Variants in PCDHGB1 observed in about 807,000 individuals in gnomAD.
The protein encoded by PCDHGB1 is protocadherin gamma-B1.
A neutral mutation model predicts 56.6 loss-of-function variants in PCDHGB1; 34 were observed. That is an observed-to-expected ratio of 0.60 (90% confidence interval 0.46 to 0.80). PCDHGB1 has a LOEUF of 0.80. Among genes scored for constraint, PCDHGB1 ranks in the 30% least tolerant of loss-of-function variants. PCDHGB1 has a pLI of 0.00. For missense variants in PCDHGB1, 1,278 were observed against 1,204.6 expected, an observed-to-expected ratio of 1.06 and a Z score of -0.90; for synonymous variants, 561 against 505.9, an observed-to-expected ratio of 1.11 and a Z score of -1.46.
At chr5:141,384,442 T>G in intron 1 of PCDHGB1, 15 of 1,614,046 alleles carry the variant, frequency 9.3e-6, no homozygotes, top group Non-Finnish European at 1.3e-5. Context: ...TGGAGTCCTG[T>G]ACGCGCTGCA....
intron 1 of PCDHGB1, chr5:141,376,901 A>G: frequency 5.2e-6 from 1 of 191,460 alleles, no homozygotes. Context: ...GTTAGCCAGG[A>G]TGGTCTCGAT....
intron 1 of PCDHGB1, chr5:141,370,596 G>C: frequency 6.2e-7 from 1 of 1,613,936 alleles, no homozygotes; most frequent in Non-Finnish European, 8.5e-7. Flanking sequence ...GAACCTGCGG[G>C]TTATTGCAGA....
At chr5:141,383,978 C>T in intron 1 of PCDHGB1, 1 of 1,613,752 alleles carries the variant, frequency 6.2e-7, no homozygotes, top group Non-Finnish European at 8.5e-7. Context: ...CCTGAAGACA[C>T]ACCTCTTGGG....
chr5:141,373,720 C>T (rs1769798008), intron 1 of PCDHGB1, among the ~76,000 whole-genome samples: 1 of 152,328 alleles, frequency 6.6e-6, no homozygotes, highest in East Asian at 1.9e-4. Flanking sequence ...ATCTCTTACA[C>T]TCTTCTAAAT....
chr5:141,399,081 G>A (rs1336220348), intron 1 of PCDHGB1: 2 of 1,613,758 alleles, frequency 1.2e-6, no homozygotes, highest in African/African-American at 1.3e-5. Context: ...TAGAAGGGAG[G>A]GATGGTGGTG....
intron 1 of PCDHGB1, chr5:141,389,583 C>T: frequency 1.2e-6 from 2 of 1,613,188 alleles, no homozygotes; most frequent in Non-Finnish European, 1.7e-6. Flanking sequence ...CGCGCTGGGT[C>T]CCGACGGCTC....
intron 1 of PCDHGB1, chr5:141,365,543 T>G: frequency 6.2e-7 from 1 of 1,613,830 alleles, no homozygotes; most frequent in Non-Finnish European, 8.5e-7. Context: ...CTATCACCTA[T>G]TAACAACTAG....
chr5:141,392,305 GT>G (rs148037308), intron 1 of PCDHGB1: 5,240 of 152,054 alleles, frequency 0.034, 107 homozygotes, highest in Middle Eastern at 0.088. Flanking sequence ...AAAGTATCAT[GT>G]TTTTTTTAAG....
Position 141,350,354 on chromosome 5 carries a change from C to T in PCDHGB1, c.94C>T (p.Arg32Ter). Residue 32 changes from arginine to a stop codon, truncating the protein, a stop_gained, in exon 1 of 4, where the codon CGA becomes TGA. Coordinates refer to ENST00000523390, the MANE Select transcript of PCDHGB1 (RefSeq NM_018922.3). LOFTEE classifies it high-confidence loss of function. Reference sequence around the variant, plus strand: ...CTGCGGGGCCATCTCCCAGCAGATCCGATACACGATTCCAGAGGAGCTAGC... The same window carrying T: ...CTGCGGGGCCATCTCCCAGCAGATCTGATACACGATTCCAGAGGAGCTAGC... ...LFCGAISQQIRYTIPEELANG... is the reference protein window; with the variant it reads ...LFCGAISQQI 1.3e-6 allele frequency: 2 copies of T among 1,564,932 alleles called. No individual in the cohort carries two copies. Among genetic ancestry groups the T allele is most frequent in the South Asian group, 1.2e-5 (1 of 81,846 alleles).
At chr5:141,378,926 T>C (rs1342547905) in intron 1 of PCDHGB1, 1 of 152,216 alleles carries the variant, frequency 6.6e-6, no homozygotes, top group Non-Finnish European at 1.5e-5. Flanking sequence ...AAAAGTAAGT[T>C]GATGGCCCTG....
In PCDHGB1 at chr5:141,490,598, G is replaced by A. The variant is rs141484080; in HGVS notation, c.2410-4209G>A. On this transcript the variant is annotated intron_variant, in intron 1 of 3. Transcript: ENST00000523390. This position sits in a 1 kb window ranked among gnomAD's most constrained non-coding sequence, Gnocchi z 5.4. ...TCAGATGTCAATGACAATGCACCCC[G>A]CTTCAACCAGCAGCTTTACACTGCT... 309 of 1,614,062 alleles carry A rather than the reference G, an allele frequency of 1.9e-4. 2 individuals carry two copies. Among genetic ancestry groups the A allele is most frequent in the Admixed American group, 5.0e-4 (30 of 60,018 alleles).
At chr5:141,358,102 A>G (rs1359136399) in intron 1 of PCDHGB1, among the ~76,000 whole-genome samples, 1 of 152,204 alleles carries the variant, frequency 6.6e-6, no homozygotes, top group Admixed American at 6.5e-5. Flanking sequence ...AGGCATGAGA[A>G]TTGCTTGAAC....
rs1326093295 is a variant in PCDHGB1 at position 141,364,677 on chromosome 5, T to TTTC, written c.2409+12010_2409+12011insCTT. The stretch of plus-strand genomic sequence containing the variant: ...ATCTTGGTTGAGAACAAAATGAAAA[T>TTTC]TTATGGAGTAGAAGTAGAAATAATC... On this transcript the variant is annotated intron_variant, in intron 1 of 3. Coordinates refer to ENST00000523390, the MANE Select transcript of PCDHGB1 (RefSeq NM_018922.3). The TTTC allele has an allele frequency of 3.7e-6, 6 of 1,613,806 alleles. No homozygotes were observed. In the African/African-American group the frequency reaches 6.7e-5, roughly 18 times the overall value.
At position 141,486,634 on chromosome 5, in the gene PCDHGB1, T is replaced by C; in HGVS notation, c.2410-8173T>C. 1 of 1,613,762 alleles carries C rather than the reference T, an allele frequency of 6.2e-7. No individual in the cohort carries two copies. The highest frequency in any genetic ancestry group is 8.5e-7 in the Non-Finnish European group (1 of 1,180,044). ...CCTCTGACCCAGACTCTGGCTTGAA[T>C]GCGCTTATCTCCTACTCACTCCTGG... On this transcript the variant is annotated intron_variant, in intron 1 of 3. Coordinates refer to ENST00000523390, the MANE Select transcript of PCDHGB1 (RefSeq NM_018922.3). The surrounding 1 kb of genome is among the most constrained non-coding windows in gnomAD (Gnocchi z 5.0).
chr5:141,438,526 G>A (rs188552043), intron 1 of PCDHGB1, among the ~76,000 whole-genome samples: 11 of 143,330 alleles, frequency 7.7e-5, no homozygotes, highest in Non-Finnish European at 1.5e-4. Flanking sequence ...ATTTTACATG[G>A]ACTTTTCCTC....
At chr5:141,400,301 C>T in intron 1 of PCDHGB1, 3 of 1,614,084 alleles carry the variant, frequency 1.9e-6, no homozygotes, top group Non-Finnish European at 2.5e-6. Flanking sequence ...TGCTTCCAAC[C>T]TGGTCTCTGT....
chr5:141,358,814 G>A (rs1210992223), intron 1 of PCDHGB1, among the ~76,000 whole-genome samples: 1 of 152,204 alleles, frequency 6.6e-6, no homozygotes. Context: ...GATTTACGCT[G>A]CTTAGTAAGG....
chr5:141,365,280 TG>T, intron 1 of PCDHGB1: 2 of 1,614,018 alleles, frequency 1.2e-6, no homozygotes. Flanking sequence ...TTCTACCTCA[TG>T]GAAGTGGTAG....
At chr5:141,374,080 A>T in intron 1 of PCDHGB1, 1 of 1,520,068 alleles carries the variant, frequency 6.6e-7, no homozygotes. Context: ...CTAATAAGCC[A>T]GTAATGGCGC....
Sources: gnomAD v4.1 joint callset for allele counts (sites outside exome capture counted in the v4.1 genomes callset) on GRCh38, gnomAD v4.1.1 for gene constraint, Gnocchi (gnomAD v3.1) non-coding constraint, MANE v1.5 for transcripts, NCBI Gene and HGNC (gene_info 2026-07-23, HGNC 2026-07-21) for gene names.